ZNF420: variants seen among roughly 807,000 people sequenced by gnomAD.
ZNF420 encodes the protein zinc finger protein 420, also known as ATM and p53-associated KZNF protein.
In ZNF420, 31 loss-of-function variants were observed where a neutral mutation model predicts 44.7. That is an observed-to-expected ratio of 0.69 (90% CI 0.52 to 0.94). The LOEUF (loss-of-function observed/expected upper bound fraction) is 0.94, where lower values mean the gene tolerates loss of function less well. Ranked by LOEUF, ZNF420 falls within the 40% of genes least tolerant of loss-of-function variation. The pLI is 0.00. For synonymous variants in ZNF420, 245 were observed against 267.4 expected (o/e 0.92, Z 0.82); for missense variants, 681 against 827.9 (o/e 0.82, Z 2.18).
intron 1 of ZNF420, among the ~76,000 whole-genome samples, chr19:37,062,676 G>A (rs1018120185): frequency 2.6e-5 from 4 of 151,948 alleles, no homozygotes; most frequent in African/African-American, 9.7e-5. Context: ...TGAGATTATT[G>A]TTATCTACTT....
intron 4 of ZNF420, among the ~76,000 whole-genome samples, chr19:37,118,666 C>T (rs914284943): frequency 6.6e-6 from 1 of 151,722 alleles, no homozygotes; most frequent in Non-Finnish European, 1.5e-5. Context: ...TTAAAAGACA[C>T]AGACTGGCAA....
intron 1 of ZNF420, among the ~76,000 whole-genome samples, chr19:37,026,828 CAGAT>C (rs1268627183): frequency 1.3e-5 from 2 of 152,162 alleles, no homozygotes; most frequent in African/African-American, 2.4e-5. Flanking sequence ...AATGGACAAA[CAGAT>C]AATAATTCTA....
Position 37,127,863 on chromosome 19 carries a change from T to C in ZNF420, c.872T>C (p.Leu291Pro). Residue 291 changes from leucine to proline, a missense_variant, in exon 5 of 5, where the codon CTC (leucine) becomes CCC (proline). Leu to Pro is a moderately conservative substitution (Grantham distance 98). Around this residue, in one of 3 missense-constraint regions of ZNF420, gnomAD observed 350 missense variants for 382.5 expected, o/e 0.92. Transcript: ENST00000337995. Reference sequence around the variant, plus strand: ...GAATGTAGGAAGGTCTTTACTCAGCTCTCACAACTTATTCTGCATAAGAGA... The same window carrying C: ...GAATGTAGGAAGGTCTTTACTCAGCCCTCACAACTTATTCTGCATAAGAGA... ...CKECRKVFTQ[L>P]SQLILHKRIH... The C allele has an allele frequency of 6.2e-7, 1 of 1,613,406 alleles. No individual in the cohort carries two copies.
At chr19:37,123,601 T>G (rs1346869952) in intron 4 of ZNF420, among the ~76,000 whole-genome samples, 3 of 120,168 alleles carry the variant, frequency 2.5e-5, no homozygotes, top group Non-Finnish European at 5.0e-5. Context: ...ACTCTTGTCT[T>G]TTTTTTTTTT....
chr19:37,122,000 T>G (rs1971072194), intron 4 of ZNF420, among the ~76,000 whole-genome samples: 1 of 152,184 alleles, frequency 6.6e-6, no homozygotes, highest in African/African-American at 2.4e-5. Context: ...TAGGAACACT[T>G]CTACACTGTT....
chr19:37,073,636 G>C (rs1447785638), upstream of ZNF420, among the ~76,000 whole-genome samples: 1 of 151,784 alleles, frequency 6.6e-6, no homozygotes, highest in African/African-American at 2.4e-5. Flanking sequence ...AGCTACTTGG[G>C]AGGCTGAGAC....
At chr19:37,094,692 C>T (rs1969338087) in intron 4 of ZNF420, among the ~76,000 whole-genome samples, 2 of 151,982 alleles carry the variant, frequency 1.3e-5, no homozygotes, top group African/African-American at 4.8e-5. Context: ...ACCTTTGTGG[C>T]AATTAGTTGA....
At chr19:37,040,431 A>G (rs1176089274) in intron 1 of ZNF420, among the ~76,000 whole-genome samples, 3 of 152,210 alleles carry the variant, frequency 2.0e-5, no homozygotes, top group Admixed American at 6.5e-5. Context: ...AACTTTCTCC[A>G]TACCAGCAAT....
intron 4 of ZNF420, among the ~76,000 whole-genome samples, chr19:37,124,929 C>T (rs1971263781): frequency 6.6e-6 from 1 of 152,132 alleles, no homozygotes. Flanking sequence ...CTCCGCCTCC[C>T]AGGTTCAAGC....
intron 1 of ZNF420, among the ~76,000 whole-genome samples, chr19:37,020,216 CAAAAAA>C (rs376616699): frequency 2.0e-5 from 2 of 99,894 alleles, no homozygotes; most frequent in Non-Finnish European, 2.1e-5. Flanking sequence ...GACTCCGTCT[CAAAAAA>C]AAAAAAAAAA....
rs367665509 is a variant in ZNF420 at position 37,127,363 on chromosome 19, T to C, written c.372T>C (p.Thr124=). ...AAATGTCCATTTTCAACCAGCATACTTACTTATCTCAACATTCAAGATGTC... is the reference window on the plus strand; with the variant it reads ...AAATGTCCATTTTCAACCAGCATACCTACTTATCTCAACATTCAAGATGTC... The part of the protein sequence containing the change: ...YDKMSIFNQH[T]YLSQHSRCHS... The change falls in exon 5 of 5, where the codon ACT becomes ACC. Residue 124 remains threonine (T), a synonymous_variant. Coordinates refer to ENST00000337995, the MANE Select transcript of ZNF420 (RefSeq NM_144689.5). 5.6e-6 allele frequency: 9 copies of C among 1,612,790 alleles called. No homozygotes were observed. In the African/African-American group the frequency reaches 1.1e-4, roughly 19 times the overall value.
chr19:37,116,528 G>A (rs184096902), intron 4 of ZNF420, among the ~76,000 whole-genome samples: 6 of 152,276 alleles, frequency 3.9e-5, no homozygotes, highest in East Asian at 1.9e-4. Flanking sequence ...CAGCATGAAC[G>A]ACGCAGAAGA....
At chr19:37,051,382 T>C (rs996691965) in intron 1 of ZNF420, among the ~76,000 whole-genome samples, 1 of 152,208 alleles carries the variant, frequency 6.6e-6, no homozygotes, top group African/African-American at 2.4e-5. Context: ...CTATTAATTA[T>C]TGCCTCAATT....
intron 1 of ZNF420, among the ~76,000 whole-genome samples, chr19:37,024,615 A>C (rs1444729637): frequency 6.6e-6 from 1 of 151,892 alleles, no homozygotes; most frequent in African/African-American, 2.4e-5. Flanking sequence ...CACCTGGCTA[A>C]TTTTTTGTAT....
chr19:37,031,498 T>C (rs1967255406), intron 1 of ZNF420, among the ~76,000 whole-genome samples: 1 of 152,036 alleles, frequency 6.6e-6, no homozygotes, highest in African/African-American at 2.4e-5. Context: ...AATTTTATTA[T>C]GCATTTTCTT....
At chr19:37,113,231 A>G (rs765972595) in intron 4 of ZNF420, among the ~76,000 whole-genome samples, 7 of 152,094 alleles carry the variant, frequency 4.6e-5, no homozygotes, top group Non-Finnish European at 8.8e-5. Context: ...GTGGCTCTTT[A>G]TCTGTTCTTG....
upstream of ZNF420, chr19:37,077,956 C>A: frequency 6.5e-6 from 1 of 153,146 alleles, no homozygotes; most frequent in African/African-American, 2.4e-5. Context: ...CCATACACAC[C>A]CGGCCACGGA....
chr19:37,010,238 G>C (rs991322553), intron 1 of ZNF420, among the ~76,000 whole-genome samples: 3 of 152,188 alleles, frequency 2.0e-5, no homozygotes, highest in African/African-American at 7.2e-5. Context: ...GACGGTCTCT[G>C]GATGCCAGGA....
In ZNF420 at chr19:37,111,316, TAAGA is replaced by T. The variant is rs1282723343; in HGVS notation, c.137-15811_137-15808del. 3.3e-5 allele frequency among the ~76,000 whole-genome samples: 5 copies of T among 152,362 alleles called. No individual in the cohort carries two copies. The Middle Eastern group carries it at 0.01, about 311-fold the overall frequency. Reference sequence around the variant, plus strand: ...TACTATTTAAGTCTGGGTCTCCTCTTAAGATAGAGAACAAATTTGACATGGCATA... The same window carrying T: ...TACTATTTAAGTCTGGGTCTCCTCTTTAGAGAACAAATTTGACATGGCATA... On this transcript the variant is annotated intron_variant, in intron 4 of 4. Coordinates refer to ENST00000337995, the MANE Select transcript of ZNF420 (RefSeq NM_144689.5).
Sources: allele counts gnomAD v4.1 joint callset (sites outside exome capture counted in the v4.1 genomes callset), GRCh38; gene constraint gnomAD v4.1.1; regional missense constraint gnomAD v4.1.1; transcripts MANE v1.5; gene names NCBI Gene and HGNC (gene_info 2026-07-23, HGNC 2026-07-21).